ZNF804B: variants seen among roughly 807,000 people sequenced by gnomAD.
ZNF804B encodes zinc finger protein 804B.
ZNF804B carries 80 observed loss-of-function variants against 101.4 expected under a neutral mutation model. The observed-to-expected ratio is 0.79, with a 90% CI of 0.66 to 0.95. The LOEUF (loss-of-function observed/expected upper bound fraction) is 0.95. Among genes scored for constraint, ZNF804B ranks in the 40% least tolerant of loss-of-function variants. The pLI is 0.00. For synonymous variants in ZNF804B, 622 were observed against 558.8 expected, an observed-to-expected ratio of 1.11 and a Z score of -1.59; for missense variants, 1,673 against 1,561.9, an observed-to-expected ratio of 1.07 and a Z score of -1.20.
chr7:89,019,378 A>T (rs938096658), intron 1 of ZNF804B, among the ~76,000 whole-genome samples: 1 of 151,972 alleles, frequency 6.6e-6, no homozygotes, highest in African/African-American at 2.4e-5. Flanking sequence ...AAACTTTTTG[A>T]GATGTGTTTT....
intron 1 of ZNF804B, among the ~76,000 whole-genome samples, chr7:88,829,843 C>G (rs1425346551): frequency 6.6e-6 from 1 of 152,054 alleles, no homozygotes; most frequent in Non-Finnish European, 1.5e-5. Flanking sequence ...ATATTTTACT[C>G]TGAATATTTG....
intron 1 of ZNF804B, among the ~76,000 whole-genome samples, chr7:88,969,326 A>C (rs1793499327): frequency 6.6e-6 from 1 of 151,638 alleles, no homozygotes; most frequent in Non-Finnish European, 1.5e-5. Context: ...TAAAACATCA[A>C]GGTGCATTTA....
chr7:88,804,623 T>A (rs1035074725), intron 1 of ZNF804B, among the ~76,000 whole-genome samples: 3 of 152,172 alleles, frequency 2.0e-5, no homozygotes, highest in African/African-American at 7.2e-5. Flanking sequence ...TGACTTAAAA[T>A]CTTTGTGTAA....
At chr7:89,128,782 A>G (rs902824651) in intron 1 of ZNF804B, among the ~76,000 whole-genome samples, 1 of 152,102 alleles carries the variant, frequency 6.6e-6, no homozygotes, top group Admixed American at 6.6e-5. Flanking sequence ...TTCATTAAAA[A>G]TCAAATACTC....
chr7:89,226,268 C>A (rs956924129), intron 2 of ZNF804B, among the ~76,000 whole-genome samples: 1 of 151,766 alleles, frequency 6.6e-6, no homozygotes, highest in Non-Finnish European at 1.5e-5. Context: ...TGGTAAGTAT[C>A]CTAGGAAAAT....
At chr7:88,860,805 T>C (rs992441471) in intron 1 of ZNF804B, among the ~76,000 whole-genome samples, 5 of 152,194 alleles carry the variant, frequency 3.3e-5, no homozygotes, top group African/African-American at 9.7e-5. Context: ...TTTAAAGCAG[T>C]GTACCTCCAG....
intron 1 of ZNF804B, among the ~76,000 whole-genome samples, chr7:89,212,252 TACACAC>T (rs67535390): frequency 9.6e-4 from 84 of 87,176 alleles, no homozygotes; most frequent in African/African-American, 3.1e-3. Flanking sequence ...CATTCAGTGA[TACACAC>T]ACACACACAC....
chr7:89,156,019 CCTTTCTTTCTTTCTTTCTTTCTTT>C lies in ZNF804B; in HGVS notation c.109-62105_109-62082del, dbSNP rs58720640. On this transcript the variant is annotated intron_variant, in intron 1 of 3. Transcript: ENST00000333190. ...TCTTTCTTTCTTTCTTTCTCTCTTT[CCTTTCTTTCTTTCTTTCTTTCTTT>C]CTTTCTTTCTTTCTTTCTTTCTTTC... Among the ~76,000 whole-genome samples the C allele has an allele frequency of 6.6e-3, 803 of 121,910 alleles. 7 individuals carry two copies. The highest frequency in any genetic ancestry group is 0.012 in the South Asian group (42 of 3,520). The allele number at this position is 121,910 out of a possible 152,430, so 80.0% of individuals were successfully genotyped here.
At chr7:88,817,141 C>G (rs916375051) in intron 1 of ZNF804B, among the ~76,000 whole-genome samples, 5 of 152,000 alleles carry the variant, frequency 3.3e-5, no homozygotes, top group Non-Finnish European at 5.9e-5. Context: ...GACAGAAAAC[C>G]AAGTACCGCA....
intron 1 of ZNF804B, among the ~76,000 whole-genome samples, chr7:88,857,738 A>T (rs1168207736): frequency 6.6e-6 from 1 of 151,316 alleles, no homozygotes; most frequent in Non-Finnish European, 1.5e-5. Context: ...ATAGAAAAAG[A>T]GGGAATCCTC....
At chr7:89,205,596 C>T (rs1327743601) in intron 1 of ZNF804B, among the ~76,000 whole-genome samples, 4 of 152,168 alleles carry the variant, frequency 2.6e-5, no homozygotes, top group South Asian at 4.1e-4. Context: ...AAATGATCTC[C>T]TTTGACCTCA....
chr7:89,125,143 T>A (rs1457306677), intron 1 of ZNF804B, among the ~76,000 whole-genome samples: 1 of 151,294 alleles, frequency 6.6e-6, no homozygotes. Context: ...CTTAAGGGGG[T>A]GTCTGGCAGC....
At chr7:89,187,784 C>T (rs1788395782) in intron 1 of ZNF804B, among the ~76,000 whole-genome samples, 1 of 152,080 alleles carries the variant, frequency 6.6e-6, no homozygotes, top group Admixed American at 6.6e-5. Flanking sequence ...TCAAACATAA[C>T]TTTGACATGT....
intron 1 of ZNF804B, among the ~76,000 whole-genome samples, chr7:88,760,750 T>G (rs1466204845): frequency 6.6e-6 from 1 of 151,512 alleles, no homozygotes; most frequent in Non-Finnish European, 1.5e-5. Flanking sequence ...TTCACATTCT[T>G]TTTATAAAAT....
intron 1 of ZNF804B, among the ~76,000 whole-genome samples, chr7:88,931,061 G>A (rs1792877889): frequency 6.6e-6 from 1 of 151,790 alleles, no homozygotes; most frequent in Non-Finnish European, 1.5e-5. Context: ...TTTGTCACTG[G>A]CTCAGGGGAT....
chr7:89,147,542 A>C (rs1267181428), intron 1 of ZNF804B, among the ~76,000 whole-genome samples: 1 of 152,120 alleles, frequency 6.6e-6, no homozygotes, highest in East Asian at 1.9e-4. Flanking sequence ...AGAACAAGAA[A>C]AAATGTAGAG....
chr7:89,183,425 G>A (rs148326617), intron 1 of ZNF804B, among the ~76,000 whole-genome samples: 18 of 152,142 alleles, frequency 1.2e-4, no homozygotes, highest in African/African-American at 4.1e-4. Flanking sequence ...AGAAGTAATC[G>A]AATTTGGTCT....
At chr7:89,092,027 T>C (rs568191573) in intron 1 of ZNF804B, among the ~76,000 whole-genome samples, 1 of 152,152 alleles carries the variant, frequency 6.6e-6, no homozygotes, top group African/African-American at 2.4e-5. Context: ...AACAAAACAC[T>C]GTAGATTAAG....
At chr7:89,079,725 T>C (rs1412654803) in intron 1 of ZNF804B, among the ~76,000 whole-genome samples, 2 of 151,982 alleles carry the variant, frequency 1.3e-5, no homozygotes, top group Non-Finnish European at 2.9e-5. Flanking sequence ...TTTTAGATAG[T>C]GTGTGCCAGA....
Sources: allele counts gnomAD v4.1 joint callset (sites outside exome capture counted in the v4.1 genomes callset), GRCh38; gene constraint gnomAD v4.1.1; transcripts MANE v1.5; gene names NCBI Gene and HGNC (gene_info 2026-07-23, HGNC 2026-07-21).